Variants in MSL2 observed in about 807,000 individuals in gnomAD.
MSL2 encodes E3 ubiquitin-protein ligase MSL2.
Under a neutral mutation model 35.8 loss-of-function variants are expected in MSL2, and 2 were observed. The ratio of observed to expected loss-of-function variants is 0.06; its 90% CI spans 0.02 to 0.18. The LOEUF (loss-of-function observed/expected upper bound fraction) is 0.18, where lower values mean the gene tolerates loss of function less well. Among genes scored for constraint, MSL2 ranks in the 10% least tolerant of loss-of-function variants. MSL2 has a pLI of 1.00. For missense variants in MSL2, 523 were observed against 706.7 expected (o/e 0.74, Z 2.95); for synonymous variants, 296 against 255.7 (o/e 1.16, Z -1.50).
intron 1 of MSL2, among the ~76,000 whole-genome samples, chr3:136,166,455 A>T (rs572662284): frequency 5.3e-5 from 8 of 152,200 alleles, no homozygotes; most frequent in South Asian, 2.1e-4. Context: ...AAAAAAAAAA[A>T]TTTGTTAAGT....
intron 1 of MSL2, among the ~76,000 whole-genome samples, chr3:136,168,904 A>G (rs1274757351): frequency 6.6e-6 from 1 of 152,078 alleles, no homozygotes; most frequent in African/African-American, 2.4e-5. Flanking sequence ...AACTTTACTG[A>G]TCATCTAAGC....
At chr3:136,186,519 GCTC>G (rs2108092516) in intron 1 of MSL2, among the ~76,000 whole-genome samples, 1 of 152,280 alleles carries the variant, frequency 6.6e-6, no homozygotes, top group Non-Finnish European at 1.5e-5. Flanking sequence ...ACTCCCCACT[GCTC>G]GCATTACCAC....
Position 136,195,753 on chromosome 3 carries a change from G to A in MSL2, c.-640C>T. On this transcript the variant is annotated 5_prime_UTR_variant, in exon 1 of 2. Coordinates refer to ENST00000309993, the MANE Select transcript of MSL2 (RefSeq NM_018133.4). ...GACGCGGGGCCCAGACTGCGCCCTG[G>A]CTCTCCGCCCCGTGGGTTGCAGCCC... 1.0e-6 allele frequency: 1 copy of A among 984,950 alleles called. No individual in the cohort carries two copies. The highest frequency in any genetic ancestry group is 1.2e-6 in the Non-Finnish European group (1 of 829,804). 61.0% of individuals were successfully genotyped at this position (984,950 alleles called of 1,614,324 possible). A position where few individuals can be genotyped will look rare whatever the true frequency, so the allele number is the denominator to read the frequency against.
chr3:136,177,390 ACAGG>A (rs1428726916), intron 1 of MSL2, among the ~76,000 whole-genome samples: 1 of 152,122 alleles, frequency 6.6e-6, no homozygotes, highest in African/African-American at 2.4e-5. Flanking sequence ...AAATAATGCT[ACAGG>A]CCGGGCACGG....
intron 1 of MSL2, among the ~76,000 whole-genome samples, chr3:136,185,158 TAG>T: frequency 6.6e-6 from 1 of 152,210 alleles, no homozygotes; most frequent in South Asian, 2.1e-4. Context: ...GTATTTTTAA[TAG>T]AGACAAGGTT....
In MSL2 at chr3:136,195,398, C is replaced by A. The variant is rs1559977267; in HGVS notation, c.-285G>T. ...AGCGACCACAGAGCGCAGAACGCGG[C>A]GGCTTGGGCGCTCGGGGCGGGACTC... On this transcript the variant is annotated 5_prime_UTR_variant, in exon 1 of 2. Transcript: ENST00000309993. 1 of 1,148,376 alleles carries A rather than the reference C, an allele frequency of 8.7e-7. No individual in the cohort carries two copies. The allele number at this position is 1,148,376 out of a possible 1,614,324, so 71.1% of individuals were successfully genotyped here.
chr3:136,190,464 G>A (rs1940656239), intron 1 of MSL2, among the ~76,000 whole-genome samples: 1 of 151,480 alleles, frequency 6.6e-6, no homozygotes, highest in South Asian at 2.1e-4. Flanking sequence ...GCTAATGCCA[G>A]AGGACTGGAG....
intron 1 of MSL2, among the ~76,000 whole-genome samples, chr3:136,188,910 C>G (rs1477201382): frequency 6.6e-6 from 1 of 151,540 alleles, no homozygotes; most frequent in East Asian, 1.9e-4. Flanking sequence ...AGATGAAGGG[C>G]TGCAAATCAA....
At chr3:136,192,942 G>A (rs1266886046) in intron 1 of MSL2, among the ~76,000 whole-genome samples, 1 of 151,940 alleles carries the variant, frequency 6.6e-6, no homozygotes, top group Non-Finnish European at 1.5e-5. Context: ...ATAGACTTAC[G>A]TCCAAAGAGA....
intron 1 of MSL2, among the ~76,000 whole-genome samples, chr3:136,182,648 C>G (rs191026165): frequency 8.5e-4 from 128 of 151,470 alleles, no homozygotes; most frequent in African/African-American, 3.1e-3. Context: ...GATGAGAGAG[C>G]TGCACAGAGA....
intron 1 of MSL2, among the ~76,000 whole-genome samples, chr3:136,159,365 T>C (rs934925646): frequency 7.6e-6 from 1 of 130,870 alleles, no homozygotes; most frequent in Non-Finnish European, 1.6e-5. Context: ...TTTTTTTTTT[T>C]TTTTTTTTTT....
rs1323011367 is a variant in MSL2, at chr3:136,149,676, T to G, written c.*1471A>C. ...CACAGAAAATGACACCAGGATACAC[T>G]ACAAAACAGAAGGAGGTGTCATCTG... On this transcript the variant is annotated 3_prime_UTR_variant, in exon 2 of 2. Transcript: ENST00000309993. 2 of 147,154 alleles carry G rather than the reference T, an allele frequency of 1.4e-5. No homozygotes were observed. The highest frequency in any genetic ancestry group is 5.0e-5 in the African/African-American group (2 of 39,966). The allele number at this position is 147,154 out of a possible 1,614,324, so 9.1% of individuals were successfully genotyped here.
At chr3:136,182,802 G>A (rs1416427333) in intron 1 of MSL2, among the ~76,000 whole-genome samples, 2 of 151,858 alleles carry the variant, frequency 1.3e-5, no homozygotes, top group Non-Finnish European at 2.9e-5. Context: ...ATTAGCACAT[G>A]CGTATAAACT....
At chr3:136,185,879 A>T (rs1026378061) in intron 1 of MSL2, among the ~76,000 whole-genome samples, 2 of 151,924 alleles carry the variant, frequency 1.3e-5, no homozygotes, top group Non-Finnish European at 2.9e-5. Context: ...AGGCTTTCTG[A>T]ATTATTCCAG....
rs910479677 is a variant in MSL2, at chr3:136,154,659, T to C, written c.143-1921A>G. ...AAGCCAAAAACATCATAAGAGAAACTGAGAAAACATTTACCAAATGAAAAC... is the reference window on the plus strand; with the variant it reads ...AAGCCAAAAACATCATAAGAGAAACCGAGAAAACATTTACCAAATGAAAAC... On this transcript the variant is annotated intron_variant, in intron 1 of 1. Transcript: ENST00000309993. Among the ~76,000 whole-genome samples the C allele has an allele frequency of 2.0e-5, 3 of 151,742 alleles. No individual in the cohort carries two copies. In the East Asian group the frequency reaches 5.8e-4, roughly 29 times the overall value.
At chr3:136,169,646 C>T (rs1939961942) in intron 1 of MSL2, among the ~76,000 whole-genome samples, 1 of 151,946 alleles carries the variant, frequency 6.6e-6, no homozygotes, top group Admixed American at 6.6e-5. Context: ...GACGGGGTTT[C>T]ACCATGTTGG....
chr3:136,180,854 A>AGGAAGGAAAG (rs1940337282), intron 1 of MSL2, among the ~76,000 whole-genome samples: 1 of 67,368 alleles, frequency 1.5e-5, no homozygotes, highest in Non-Finnish European at 2.8e-5. Flanking sequence ...AGGAAGGAAA[A>AGGAAGGAAAG]AGGAGTTGGC....
chr3:136,163,275 A>G (rs896600186), intron 1 of MSL2, among the ~76,000 whole-genome samples: 5 of 152,162 alleles, frequency 3.3e-5, no homozygotes, highest in Admixed American at 1.3e-4. Flanking sequence ...ATATAAATAT[A>G]AATATAAATC....
rs941733424 is a variant in MSL2 at position 136,195,345 on chromosome 3, A to C, written c.-232T>G. On this transcript the variant is annotated 5_prime_UTR_variant, in exon 1 of 2. Transcript: ENST00000309993. ...GAGACTTCCAGACCAAAAATATGAG[A>C]GAGAAACCAGCGTTCGAGTTCGTCC... 7.6e-7 allele frequency: 1 copy of C among 1,311,964 alleles called. No homozygotes were observed. The highest frequency in any genetic ancestry group is 9.7e-7 in the Non-Finnish European group (1 of 1,032,798). The allele number at this position is 1,311,964 out of a possible 1,614,324, so 81.3% of individuals were successfully genotyped here.
Sources: gnomAD v4.1 joint callset for allele counts (sites outside exome capture counted in the v4.1 genomes callset) on GRCh38, gnomAD v4.1.1 for gene constraint, MANE v1.5 for transcripts, NCBI Gene and HGNC (gene_info 2026-07-23, HGNC 2026-07-21) for gene names.